Variants in DLGAP4 observed in about 807,000 individuals in gnomAD.
DLGAP4 encodes DLG associated protein 4, also known as disks large-associated protein 4.
DLGAP4 carries 18 observed loss-of-function variants against 86.9 expected under a neutral mutation model. The ratio of observed to expected loss-of-function variants is 0.21; its 90% CI spans 0.14 to 0.31. The LOEUF is 0.31. Among genes scored for constraint, DLGAP4 ranks in the 10% least tolerant of loss-of-function variants. The pLI, the probability that DLGAP4 is intolerant of heterozygous loss-of-function variation, is 1.00. For synonymous variants in DLGAP4, 548 were observed against 574.3 expected, an observed-to-expected ratio of 0.95 and a Z score of 0.65; for missense variants, 1,085 against 1,362.6, an observed-to-expected ratio of 0.80 and a Z score of 3.21.
At chr20:36,363,264 T>G (rs1600435885) in intron 1 of DLGAP4, among the ~76,000 whole-genome samples, 1 of 152,122 alleles carries the variant, frequency 6.6e-6, no homozygotes, top group African/African-American at 2.4e-5. Flanking sequence ...CCAGAGGTGG[T>G]GCAGGGCTGC....
chr20:36,317,830 A>G (rs1961485766), intron 1 of DLGAP4, among the ~76,000 whole-genome samples: 1 of 151,942 alleles, frequency 6.6e-6, no homozygotes, highest in South Asian at 2.1e-4. Context: ...AGTCAGATCC[A>G]TTCTTGAGTC....
chr20:36,399,810 T>A (rs1206706897), intron 2 of DLGAP4, among the ~76,000 whole-genome samples: 2 of 152,158 alleles, frequency 1.3e-5, no homozygotes, highest in Non-Finnish European at 2.9e-5. Context: ...GCCACAGGTG[T>A]AGGAAATACA....
At chr20:36,484,857 A>G (rs2035342084) in intron 7 of DLGAP4, among the ~76,000 whole-genome samples, 1 of 152,250 alleles carries the variant, frequency 6.6e-6, no homozygotes, top group Non-Finnish European at 1.5e-5. Flanking sequence ...CCTGCATTGT[A>G]TTTCTTAAAA....
chr20:36,358,439 C>T (rs1249780447), intron 1 of DLGAP4, among the ~76,000 whole-genome samples: 3 of 152,188 alleles, frequency 2.0e-5, no homozygotes, highest in Admixed American at 6.5e-5. Context: ...CTCCTGTCCC[C>T]AACATGTGTT....
At chr20:36,495,063 G>A (rs1294014205) in intron 7 of DLGAP4, among the ~76,000 whole-genome samples, 2 of 131,102 alleles carry the variant, frequency 1.5e-5, no homozygotes, top group South Asian at 2.4e-4. Context: ...CGTAATCTTG[G>A]CTCACTGCAA....
chr20:36,506,855 A>G (rs936401431), intron 10 of DLGAP4, among the ~76,000 whole-genome samples: 3 of 151,702 alleles, frequency 2.0e-5, no homozygotes, highest in Non-Finnish European at 4.4e-5. Context: ...GGCAGCCACC[A>G]CTCTACTTTG....
intron 7 of DLGAP4, among the ~76,000 whole-genome samples, chr20:36,467,023 T>TCC (rs1569509594): frequency 5.0e-5 from 1 of 19,938 alleles, no homozygotes; most frequent in African/African-American, 1.3e-4. Flanking sequence ...CTCTCCTCTC[T>TCC]CTCTCTCTCT....
chr20:36,495,679 C>T (rs2035855849), intron 7 of DLGAP4, among the ~76,000 whole-genome samples: 1 of 152,194 alleles, frequency 6.6e-6, no homozygotes, highest in Non-Finnish European at 1.5e-5. Context: ...AGGTTCCTAC[C>T]CATGGCAGGT....
At chr20:36,521,143 C>CG (rs1194957659) in intron 10 of DLGAP4, among the ~76,000 whole-genome samples, 1 of 152,022 alleles carries the variant, frequency 6.6e-6, no homozygotes, top group African/African-American at 2.4e-5. Context: ...TTAGTAGAGA[C>CG]GGAGTTTTGC....
chr20:36,435,086 G>C (rs2033234936), intron 3 of DLGAP4, among the ~76,000 whole-genome samples: 1 of 151,836 alleles, frequency 6.6e-6, no homozygotes, highest in Admixed American at 6.6e-5. Flanking sequence ...TGTGGGGGGG[G>C]GTTGCTGTGA....
chr20:36,390,213 C>G, intron 2 of DLGAP4, among the ~76,000 whole-genome samples: 1 of 152,176 alleles, frequency 6.6e-6, no homozygotes, highest in Non-Finnish European at 1.5e-5. Flanking sequence ...CAATGGAGGT[C>G]CTGAGTTCCC....
chr20:36,425,545 G>T (rs2032950726), intron 2 of DLGAP4, among the ~76,000 whole-genome samples: 1 of 125,756 alleles, frequency 8.0e-6, no homozygotes, highest in Admixed American at 7.7e-5. Context: ...AAACATAGGG[G>T]CTGGGCGTGG....
Position 36,496,961 on chromosome 20 carries a change from A to C in DLGAP4, c.1905A>C (p.Pro635=). Residue 635 remains proline (P), a synonymous_variant, in exon 8 of 13, where the codon CCA becomes CCC. Coordinates refer to ENST00000339266, the MANE Select transcript of DLGAP4 (RefSeq NM_001365621.2). ...GVAPAPEAPE[P]PPKHAALKSE... ...CCCCAGCCCCTGAGGCCCCAGAGCC[A>C]CCCCCAAAACATGCAGCTCTGAAAA... 1.9e-6 allele frequency: 3 copies of C among 1,613,962 alleles called. No individual in the cohort carries two copies. The highest frequency in any genetic ancestry group is 1.3e-5 in the African/African-American group (1 of 74,976).
At chr20:36,474,416 T>C (rs1340151355) in intron 7 of DLGAP4, among the ~76,000 whole-genome samples, 1 of 152,154 alleles carries the variant, frequency 6.6e-6, no homozygotes, top group Admixed American at 6.5e-5. Flanking sequence ...ATCTGCCAGG[T>C]ATGTGGAGCT....
Position 36,436,417 on chromosome 20 carries a change from C to T in DLGAP4, c.1241+67C>T, listed in dbSNP as rs1032495446. 4.4e-5 allele frequency: 65 copies of T among 1,477,630 alleles called. No individual in the cohort carries two copies. In the African/African-American group the frequency reaches 5.3e-4, roughly 12 times the overall value. 91.5% of individuals were successfully genotyped at this position (1,477,630 alleles called of 1,614,324 possible). The stretch of plus-strand genomic sequence containing the variant: ...AGCCCCGCCCACTACGAGTCTTGCT[C>T]CCTGGGAGGAGCCCTGCATTAAAAT... On this transcript the variant is annotated intron_variant, in intron 4 of 12. Transcript: ENST00000339266.
chr20:36,501,900 T>A (rs2036159511), intron 10 of DLGAP4, among the ~76,000 whole-genome samples: 2 of 152,148 alleles, frequency 1.3e-5, no homozygotes, highest in East Asian at 3.8e-4. Context: ...TTTTAAAAAA[T>A]CAAAACAGAG....
Position 36,500,710 on chromosome 20 carries a change from C to T in DLGAP4, c.2512+99C>T, listed in dbSNP as rs1600664078. ...CTTCCGAACTTCTGAGTGGGGGTCT[C>T]TTAGGTTCTCTTCTTGGGCTAGTTT... On this transcript the variant is annotated intron_variant, in intron 10 of 12. Transcript: ENST00000339266. This position sits in a 1 kb window ranked among gnomAD's most constrained non-coding sequence, Gnocchi z 4.6. The T allele has an allele frequency of 8.5e-7, 1 of 1,172,086 alleles. No individual in the cohort carries two copies. The highest frequency in any genetic ancestry group is 2.9e-5 in the East Asian group (1 of 34,652). 72.6% of individuals were successfully genotyped at this position (1,172,086 alleles called of 1,614,324 possible).
intron 7 of DLGAP4, among the ~76,000 whole-genome samples, chr20:36,494,911 C>T (rs1209569764): frequency 1.3e-5 from 2 of 148,544 alleles, no homozygotes; most frequent in Non-Finnish European, 3.0e-5. Context: ...TCCAGGAGTT[C>T]GAGACTAACC....
intron 7 of DLGAP4, among the ~76,000 whole-genome samples, chr20:36,495,974 GCAGTTCTC>G (rs1250065329): frequency 3.9e-5 from 6 of 152,284 alleles, no homozygotes; most frequent in Non-Finnish European, 7.3e-5. Flanking sequence ...CCAGGTTCAA[GCAGTTCTC>G]CTGCCTCAGC....
Sources: allele counts gnomAD v4.1 joint callset (sites outside exome capture counted in the v4.1 genomes callset), GRCh38; gene constraint gnomAD v4.1.1; non-coding constraint Gnocchi (gnomAD v3.1); transcripts MANE v1.5; gene names NCBI Gene and HGNC (gene_info 2026-07-23, HGNC 2026-07-21).